Variants in FBXO42 observed in about 807,000 individuals in gnomAD.
The protein encoded by FBXO42 is F-box protein 42.
Under a neutral mutation model 71.7 loss-of-function variants are expected in FBXO42, and 12 were observed. That is an observed-to-expected ratio of 0.17 (90% confidence interval 0.11 to 0.27). The LOEUF is 0.27. FBXO42 is among the 10% of genes least tolerant of loss of function. The pLI is 1.00. For missense variants in FBXO42, 707 were observed against 911.9 expected (o/e 0.78, Z 2.89); for synonymous variants, 325 against 327.5 (o/e 0.99, Z 0.08).
At chr1:16,334,618 CTAAAAT>C (rs1012664955) in intron 1 of FBXO42, among the ~76,000 whole-genome samples, 2 of 152,016 alleles carry the variant, frequency 1.3e-5, no homozygotes, top group Non-Finnish European at 2.9e-5. Context: ...AGTTTACAAA[CTAAAAT>C]TAAACTGACA....
At chr1:16,267,876 C>T (rs1364878073) in intron 4 of FBXO42, among the ~76,000 whole-genome samples, 4 of 152,206 alleles carry the variant, frequency 2.6e-5, no homozygotes, top group Non-Finnish European at 4.4e-5. Flanking sequence ...TAGATCTTAT[C>T]TAACTATGCC....
At chr1:16,321,062 C>A (rs968071659) in intron 1 of FBXO42, among the ~76,000 whole-genome samples, 1 of 152,162 alleles carries the variant, frequency 6.6e-6, no homozygotes, top group Non-Finnish European at 1.5e-5. Context: ...TTCAATAAAA[C>A]AACTCATTCT....
chr1:16,276,396 A>G (rs947735770), intron 4 of FBXO42, among the ~76,000 whole-genome samples: 9 of 147,350 alleles, frequency 6.1e-5, no homozygotes, highest in Non-Finnish European at 1.4e-4. Context: ...AAAAAAAAAA[A>G]GAAAAGAAAA....
chr1:16,304,636 A>G (rs1230374311), intron 3 of FBXO42, among the ~76,000 whole-genome samples: 2 of 152,162 alleles, frequency 1.3e-5, no homozygotes, highest in African/African-American at 2.4e-5. Context: ...AACGCTAAGC[A>G]TAACACCTTG....
rs2081554461 is a variant in FBXO42, at chr1:16,248,226, A to G, written c.*2444T>C. 1 of 152,152 alleles carries G rather than the reference A, an allele frequency of 6.6e-6. No homozygotes were observed. The highest frequency in any genetic ancestry group is 2.4e-5 in the African/African-American group (1 of 41,414). 9.4% of individuals were successfully genotyped at this position (152,152 alleles called of 1,614,324 possible). ...CTTCAGGAGGCCTGAGGAGACAATC[A>G]CCTTCACTGTGTTGAATCACTTTCC... On this transcript the variant is annotated 3_prime_UTR_variant, in exon 10 of 10. Transcript: ENST00000375592.
intron 3 of FBXO42, among the ~76,000 whole-genome samples, chr1:16,298,963 A>C (rs2082160574): frequency 6.6e-6 from 1 of 152,156 alleles, no homozygotes; most frequent in Admixed American, 6.6e-5. Flanking sequence ...TTAGTGTAGC[A>C]AAAGAACACA....
intron 3 of FBXO42, among the ~76,000 whole-genome samples, chr1:16,302,990 C>T (rs1225228207): frequency 6.6e-6 from 1 of 152,078 alleles, no homozygotes; most frequent in South Asian, 2.1e-4. Context: ...CCATATCTGG[C>T]GGGCACACTG....
intron 4 of FBXO42, among the ~76,000 whole-genome samples, chr1:16,274,844 C>T (rs959463397): frequency 6.6e-6 from 1 of 151,980 alleles, no homozygotes; most frequent in Non-Finnish European, 1.5e-5. Context: ...CCCGCCTCAG[C>T]CTCCCACAGT....
At position 16,250,980 on chromosome 1, in the gene FBXO42, G is replaced by C; in HGVS notation, c.1844C>G (p.Pro615Arg). 1 of 1,614,224 alleles carries C rather than the reference G, an allele frequency of 6.2e-7. No individual in the cohort carries two copies. Among genetic ancestry groups the C allele is most frequent in the Non-Finnish European group, 8.5e-7 (1 of 1,180,032 alleles). ...GTGGCCCAGGCGGCGAGCAATGGGA[G>C]GTAAGGAATGTCCATCTCCTTGGGC... ...GPAQGDGHSLPPIARRLGHHP... is the reference protein window; with the variant it reads ...GPAQGDGHSLRPIARRLGHHP... The change falls in exon 10 of 10, where the codon CCT becomes CGT. Residue 615 changes from proline to arginine, a missense_variant. Coordinates refer to ENST00000375592, the MANE Select transcript of FBXO42 (RefSeq NM_018994.3). The surrounding 1 kb of genome is among the most constrained non-coding windows in gnomAD (Gnocchi z 4.7).
At position 16,288,458 on chromosome 1, in the gene FBXO42, T is replaced by A. The variant is rs1048562806; in HGVS notation, c.502+6325A>T. The stretch of plus-strand genomic sequence containing the variant: ...AAAATAAAAATAAAAATAAAAATAA[T>A]AATAATAATAATAAACAAATGTCAA... On this transcript the variant is annotated intron_variant, in intron 4 of 9. Transcript: ENST00000375592. Among the ~76,000 whole-genome samples, 7 of 150,228 alleles carry A rather than the reference T, an allele frequency of 4.7e-5. No homozygotes were observed. The South Asian group carries it at 1.1e-3, about 23-fold the overall frequency.
At position 16,250,071 on chromosome 1, in the gene FBXO42, A is replaced by C. The variant is rs145804148; in HGVS notation, c.*599T>G. 2.6e-4 allele frequency: 39 copies of C among 152,376 alleles called. No individual in the cohort carries two copies. The highest frequency in any genetic ancestry group is 8.9e-4 in the African/African-American group (37 of 41,588). The allele number at this position is 152,376 out of a possible 1,614,324, so 9.4% of individuals were successfully genotyped here. A position where few individuals can be genotyped will look rare whatever the true frequency, so the allele number is the denominator to read the frequency against. On this transcript the variant is annotated 3_prime_UTR_variant, in exon 10 of 10. Transcript: ENST00000375592. This position sits in a 1 kb window ranked among gnomAD's most constrained non-coding sequence, Gnocchi z 4.7. Reference sequence around the variant, plus strand: ...TGACCCGGCACACAAATGTGGAATAAAATCCTTTGTTGGGTAACTTTCCTC... The same window carrying C: ...TGACCCGGCACACAAATGTGGAATACAATCCTTTGTTGGGTAACTTTCCTC...
At chr1:16,286,207 T>A (rs995942008) in intron 4 of FBXO42, among the ~76,000 whole-genome samples, 4 of 152,134 alleles carry the variant, frequency 2.6e-5, no homozygotes, top group Non-Finnish European at 5.9e-5. Context: ...CCCTTGGTAA[T>A]CTCATGCAGT....
intron 4 of FBXO42, among the ~76,000 whole-genome samples, chr1:16,270,642 C>A (rs1453206129): frequency 7.7e-6 from 1 of 129,194 alleles, no homozygotes; most frequent in Non-Finnish European, 1.6e-5. Flanking sequence ...AATTCAAGAC[C>A]AGCCTGAGCA....
At chr1:16,268,208 T>G (rs2081799621) in intron 4 of FBXO42, among the ~76,000 whole-genome samples, 1 of 152,160 alleles carries the variant, frequency 6.6e-6, no homozygotes, top group Admixed American at 6.6e-5. Flanking sequence ...TCTAGCCTGG[T>G]GTCAAAACAG....
At chr1:16,310,317 C>T (rs543999557) in intron 2 of FBXO42, among the ~76,000 whole-genome samples, 32 of 151,296 alleles carry the variant, frequency 2.1e-4, no homozygotes, top group African/African-American at 6.3e-4. Flanking sequence ...GCTGAGACTG[C>T]GCCACTGAAC....
At chr1:16,292,588 C>T (rs920319424) in intron 4 of FBXO42, 4 of 151,894 alleles carry the variant, frequency 2.6e-5, no homozygotes, top group Non-Finnish European at 5.9e-5. Context: ...TGAGCCACTT[C>T]GCCTAGCCAC....
intron 4 of FBXO42, among the ~76,000 whole-genome samples, chr1:16,287,040 A>C (rs2082028850): frequency 6.6e-6 from 1 of 152,130 alleles, no homozygotes; most frequent in Non-Finnish European, 1.5e-5. Flanking sequence ...AACCTACACA[A>C]CTAGCCATTC....
At chr1:16,334,761 T>C (rs1324949750) in intron 1 of FBXO42, among the ~76,000 whole-genome samples, 3 of 151,894 alleles carry the variant, frequency 2.0e-5, no homozygotes, top group Admixed American at 1.3e-4. Flanking sequence ...GAACCCCAAA[T>C]AGGAGAAATG....
Position 16,250,561 on chromosome 1 carries a change from G to C in FBXO42, c.*109C>G. On this transcript the variant is annotated 3_prime_UTR_variant, in exon 10 of 10. Transcript: ENST00000375592. The surrounding 1 kb of genome is among the most constrained non-coding windows in gnomAD (Gnocchi z 4.7). Reference sequence around the variant, plus strand: ...AGTGACTTCGGTTGGGAATTAAAGAGTTTTGGCTTCTGGGAGTAATTTTGT... The same window carrying C: ...AGTGACTTCGGTTGGGAATTAAAGACTTTTGGCTTCTGGGAGTAATTTTGT... 7.5e-7 allele frequency: 1 copy of C among 1,339,742 alleles called. No individual in the cohort carries two copies. The allele number at this position is 1,339,742 out of a possible 1,614,324, so 83.0% of individuals were successfully genotyped here. A position where few individuals can be genotyped will look rare whatever the true frequency, so the allele number is the denominator to read the frequency against.
Sources: allele counts gnomAD v4.1 joint callset (sites outside exome capture counted in the v4.1 genomes callset), GRCh38; gene constraint gnomAD v4.1.1; non-coding constraint Gnocchi (gnomAD v3.1); transcripts MANE v1.5; gene names NCBI Gene and HGNC (gene_info 2026-07-23, HGNC 2026-07-21).